Variants in GLP1R observed in about 807,000 individuals in gnomAD.
GLP1R encodes glucagon like peptide 1 receptor, also known as glucagon-like peptide 1 receptor.
Under a neutral mutation model 68.4 loss-of-function variants are expected in GLP1R, and 32 were observed. The ratio of observed to expected loss-of-function variants is 0.47; its 90% CI spans 0.35 to 0.63. The LOEUF is 0.63. Among genes scored for constraint, GLP1R ranks in the 20% least tolerant of loss-of-function variants. GLP1R has a pLI of 0.00. For missense variants in GLP1R, 502 were observed against 594.9 expected (o/e 0.84, Z 1.62); for synonymous variants, 263 against 244.4 (o/e 1.08, Z -0.71).
chr6:39,084,439 C>G (rs1769091905), intron 12 of GLP1R, among the ~76,000 whole-genome samples: 1 of 152,142 alleles, frequency 6.6e-6, no homozygotes. Context: ...TGAAACCTCT[C>G]TTTGGTCTCT....
At chr6:39,076,033 G>A (rs1168735381) in intron 7 of GLP1R, among the ~76,000 whole-genome samples, 2 of 152,212 alleles carry the variant, frequency 1.3e-5, no homozygotes, top group Non-Finnish European at 2.9e-5. Flanking sequence ...CAGGGCTTTC[G>A]TGACTGTGTT....
At chr6:39,068,397 A>C (rs966455432) in intron 5 of GLP1R, among the ~76,000 whole-genome samples, 2 of 150,610 alleles carry the variant, frequency 1.3e-5, no homozygotes, top group African/African-American at 4.8e-5. Flanking sequence ...TTGGAGGAGA[A>C]TCTTGCCCCC....
chr6:39,064,056 G>GT (rs1338966207), intron 3 of GLP1R, among the ~76,000 whole-genome samples: 1 of 124,684 alleles, frequency 8.0e-6, no homozygotes, highest in Non-Finnish European at 1.6e-5. Context: ...GGCTGGAGTA[G>GT]TTAGTGGCTT....
intron 3 of GLP1R, among the ~76,000 whole-genome samples, chr6:39,064,078 A>G (rs904230450): frequency 2.1e-5 from 3 of 144,900 alleles, no homozygotes; most frequent in African/African-American, 7.8e-5. Flanking sequence ...ATCTTAACTC[A>G]CTACAACCTC....
intron 5 of GLP1R, among the ~76,000 whole-genome samples, chr6:39,069,940 G>T (rs1392887765): frequency 6.6e-6 from 1 of 152,142 alleles, no homozygotes; most frequent in East Asian, 1.9e-4. Context: ...AGGCACCAGT[G>T]GGTTTGATGT....
Position 39,049,398 on chromosome 6 carries a change from G to A in GLP1R, c.78+480G>A, listed in dbSNP as rs956036714. Among the ~76,000 whole-genome samples the A allele has an allele frequency of 1.3e-5, 2 of 152,146 alleles. No individual in the cohort carries two copies. Among genetic ancestry groups the A allele is most frequent in the African/African-American group, 4.8e-5 (2 of 41,436 alleles). On this transcript the variant is annotated intron_variant, in intron 1 of 12. Transcript: ENST00000373256. This position sits in a 1 kb window ranked among gnomAD's most constrained non-coding sequence, Gnocchi z 4.5. The stretch of plus-strand genomic sequence containing the variant: ...AGACCCTGAGAAGACCCTGGGAGGA[G>A]CTGAGAGGGCCAGGGTGCGGAGACC...
intron 3 of GLP1R, among the ~76,000 whole-genome samples, chr6:39,060,441 G>T (rs557227690): frequency 3.3e-5 from 5 of 152,328 alleles, no homozygotes; most frequent in African/African-American, 9.6e-5. Context: ...AAGCACCAGG[G>T]ACTACAACAA....
intron 12 of GLP1R, among the ~76,000 whole-genome samples, chr6:39,081,538 A>T (rs1191743148): frequency 1.3e-5 from 2 of 152,152 alleles, no homozygotes; most frequent in Non-Finnish European, 2.9e-5. Flanking sequence ...GGCTGTGTTC[A>T]TGGGCACCTG....
intron 5 of GLP1R, among the ~76,000 whole-genome samples, chr6:39,068,460 C>G (rs940768614): frequency 6.6e-6 from 1 of 152,198 alleles, no homozygotes; most frequent in African/African-American, 2.4e-5. Flanking sequence ...CGGCCCCACA[C>G]CTGTGCCTTA....
chr6:39,078,401 G>C lies in GLP1R; in HGVS notation c.884+19G>C. 1 of 1,580,516 alleles carries C rather than the reference G, an allele frequency of 6.3e-7. No homozygotes were observed. The highest frequency in any genetic ancestry group is 8.7e-7 in the Non-Finnish European group (1 of 1,149,434). Reference sequence around the variant, plus strand: ...ACGAGGGGTGAGTGTCCTGCTCCAAGGGGGCGGGTGTGCCCAGGTCCCCAT... The same window carrying C: ...ACGAGGGGTGAGTGTCCTGCTCCAACGGGGCGGGTGTGCCCAGGTCCCCAT... On this transcript the variant is annotated intron_variant, in intron 8 of 12. Transcript: ENST00000373256.
intron 7 of GLP1R, 120 bp downstream of exon 7, chr6:39,073,889 C>T: frequency 3.5e-6 from 3 of 854,708 alleles, no homozygotes; most frequent in Non-Finnish European, 5.6e-6. Context: ...CTGGGTAACC[C>T]TCTTCCTGGG....
chr6:39,071,137 G>C (rs1310184895), intron 5 of GLP1R, among the ~76,000 whole-genome samples: 2 of 152,002 alleles, frequency 1.3e-5, no homozygotes, highest in Admixed American at 6.6e-5. Context: ...ACAAGGTCAG[G>C]AGATCGAGAC....
rs548051896 is a variant in GLP1R, at chr6:39,082,971, C to G, written c.1224+2232C>G. 1.6e-3 allele frequency among the ~76,000 whole-genome samples: 237 copies of G among 152,284 alleles called. 3 individuals are homozygous for G. The highest frequency in any genetic ancestry group is 6.4e-3 in the Admixed American group (98 of 15,296). On this transcript the variant is annotated intron_variant, in intron 12 of 12. Coordinates refer to ENST00000373256, the MANE Select transcript of GLP1R (RefSeq NM_002062.5). ...GAACAGTCTCCCCTGACCCCTGGCT[C>G]AGCTGCCTCTCCAGATTCCATCCTT...
rs1769139731 is a variant in GLP1R, at chr6:39,086,156, G to A, written c.*83G>A. On this transcript the variant is annotated 3_prime_UTR_variant, in exon 13 of 13. Transcript: ENST00000373256. The surrounding 1 kb of genome is among the most constrained non-coding windows in gnomAD (Gnocchi z 4.5). ...TGGGAGAGACACTCCCAGGGACAAGGGAAGGAAGGGACACACACACACACA... is the reference window on the plus strand; with the variant it reads ...TGGGAGAGACACTCCCAGGGACAAGAGAAGGAAGGGACACACACACACACA... 1.2e-6 allele frequency: 1 copy of A among 860,400 alleles called. No individual in the cohort carries two copies. The highest frequency in any genetic ancestry group is 2.1e-5 in the Admixed American group (1 of 47,738). The allele number at this position is 860,400 out of a possible 1,614,324, so 53.3% of individuals were successfully genotyped here.
At chr6:39,068,551 C>A (rs1472860864) in intron 5 of GLP1R, among the ~76,000 whole-genome samples, 1 of 152,234 alleles carries the variant, frequency 6.6e-6, no homozygotes, top group Non-Finnish European at 1.5e-5. Flanking sequence ...CTAGGTCTTC[C>A]TGGATTTCAA....
intron 7 of GLP1R, 40 bp downstream of exon 7, chr6:39,073,809 G>T (rs775338002): frequency 6.3e-7 from 1 of 1,593,476 alleles, no homozygotes; most frequent in South Asian, 1.1e-5. Context: ...TGTGGCACGG[G>T]GGTGGGAGAC....
rs533493233 is a variant in GLP1R, at chr6:39,060,833, C to T, written c.283+3254C>T. ...TGGGTTGTGTTAGGAGCTAGGGATG[C>T]CACTGAGACCTTAGAGGTGTGTGAG... On this transcript the variant is annotated intron_variant, in intron 3 of 12. Coordinates refer to ENST00000373256, the MANE Select transcript of GLP1R (RefSeq NM_002062.5). 9.2e-5 allele frequency among the ~76,000 whole-genome samples: 14 copies of T among 152,294 alleles called. No individual in the cohort carries two copies. In the East Asian group the frequency reaches 2.7e-3, roughly 29 times the overall value.
intron 3 of GLP1R, among the ~76,000 whole-genome samples, chr6:39,063,816 A>C (rs75151020): frequency 0.13 from 19,169 of 151,638 alleles, 1,405 homozygotes; most frequent in Admixed American, 0.2. Flanking sequence ...AGGGTGAAAA[A>C]TAGAACTCCC....
chr6:39,066,363 A>G (rs912846404), intron 5 of GLP1R, 60 bp downstream of exon 5: 53 of 892,774 alleles, frequency 5.9e-5, no homozygotes, highest in Non-Finnish European at 8.9e-5. Context: ...AGATAGAGGA[A>G]TGAAGCAGCC....
Sources: allele counts gnomAD v4.1 joint callset (sites outside exome capture counted in the v4.1 genomes callset), GRCh38; gene constraint gnomAD v4.1.1; non-coding constraint Gnocchi (gnomAD v3.1); transcripts MANE v1.5; gene names NCBI Gene and HGNC (gene_info 2026-07-23, HGNC 2026-07-21).